Variants in LIPC observed in about 807,000 individuals in gnomAD.
LIPC encodes the protein lipase C, hepatic type.
Under a neutral mutation model 50.7 loss-of-function variants are expected in LIPC, and 44 were observed. That is an observed-to-expected ratio of 0.87 (90% confidence interval 0.68 to 1.11). The LOEUF (loss-of-function observed/expected upper bound fraction) is 1.11, where lower values mean the gene tolerates loss of function less well. Among genes scored for constraint, LIPC ranks in the 50% most tolerant of loss-of-function variants. LIPC has a pLI of 0.00. For synonymous variants in LIPC, 271 were observed against 256.4 expected, an observed-to-expected ratio of 1.06 and a Z score of -0.54; for missense variants, 697 against 648.2, an observed-to-expected ratio of 1.08 and a Z score of -0.82.
intron 6 of LIPC, among the ~76,000 whole-genome samples, chr15:58,550,432 C>G (rs1893707366): frequency 6.6e-6 from 1 of 152,184 alleles, no homozygotes; most frequent in Non-Finnish European, 1.5e-5. Context: ...GAGCTTCTCC[C>G]ATTTGCCAAC....
intron 1 of LIPC, among the ~76,000 whole-genome samples, chr15:58,433,804 A>G (rs1893199980): frequency 4.6e-5 from 7 of 152,200 alleles, no homozygotes. Context: ...AGAAGTGGCC[A>G]CTATTAGCAA....
intron 1 of LIPC, among the ~76,000 whole-genome samples, chr15:58,484,269 T>A (rs1177396081): frequency 3.3e-5 from 5 of 152,232 alleles, no homozygotes; most frequent in African/African-American, 1.2e-4. Flanking sequence ...CATTTGGTGA[T>A]AATCCACTGT....
At chr15:58,526,621 CA>C in intron 1 of LIPC, among the ~76,000 whole-genome samples, 1 of 152,334 alleles carries the variant, frequency 6.6e-6, no homozygotes, top group Non-Finnish European at 1.5e-5. Flanking sequence ...CTACCTAAAG[CA>C]GGTGCACAGA....
At chr15:58,468,191 T>G (rs1894644959) in intron 1 of LIPC, among the ~76,000 whole-genome samples, 1 of 152,168 alleles carries the variant, frequency 6.6e-6, no homozygotes. Flanking sequence ...TGGCTTACCC[T>G]TGTCTATACT....
At chr15:58,503,293 C>G (rs146392814) in intron 1 of LIPC, among the ~76,000 whole-genome samples, 14 of 152,254 alleles carry the variant, frequency 9.2e-5, no homozygotes, top group Admixed American at 6.5e-5. Flanking sequence ...TCCTTAAACC[C>G]TGTTCAGGAT....
At chr15:58,484,530 C>A (rs1393436675) in intron 1 of LIPC, among the ~76,000 whole-genome samples, 1 of 152,240 alleles carries the variant, frequency 6.6e-6, no homozygotes, top group Non-Finnish European at 1.5e-5. Flanking sequence ...AATATTAATT[C>A]ATTTAATCCT....
intron 2 of LIPC, among the ~76,000 whole-genome samples, chr15:58,540,957 C>T (rs1283523506): frequency 6.6e-6 from 1 of 152,052 alleles, no homozygotes; most frequent in Non-Finnish European, 1.5e-5. Context: ...TGCACCATCA[C>T]ACCTGGCTAA....
rs557793722 is a variant in LIPC at position 58,517,986 on chromosome 15, A to G, written c.89-20347A>G. On this transcript the variant is annotated intron_variant, in intron 1 of 8. Transcript: ENST00000299022. ...TGACTCTTGGTCAAGAGCTCTATTC[A>G]TTCCGCTGTGTCTGCTCTCTTACTA... Among the ~76,000 whole-genome samples, 4 of 152,332 alleles carry G rather than the reference A, an allele frequency of 2.6e-5. No homozygotes were observed. In the East Asian group the frequency reaches 5.8e-4, roughly 22 times the overall value.
chr15:58,563,787 C>T (rs1341042258), intron 8 of LIPC, 64 bp downstream of exon 8: 11 of 1,260,884 alleles, frequency 8.7e-6, no homozygotes, highest in East Asian at 4.9e-5. Context: ...GGCAGTCTCA[C>T]AATTTAATAC....
intron 1 of LIPC, among the ~76,000 whole-genome samples, chr15:58,472,446 T>G (rs1464679459): frequency 6.6e-6 from 1 of 151,566 alleles, no homozygotes; most frequent in African/African-American, 2.4e-5. Context: ...TGTGGTAGCA[T>G]GCGCCTGTAA....
chr15:58,506,088 C>T (rs1892139931), intron 1 of LIPC, among the ~76,000 whole-genome samples: 1 of 152,116 alleles, frequency 6.6e-6, no homozygotes, highest in African/African-American at 2.4e-5. Flanking sequence ...GTGGTGTGTG[C>T]CCCACCTAGG....
intron 1 of LIPC, among the ~76,000 whole-genome samples, chr15:58,511,639 T>TC (rs1216366852): frequency 3.9e-5 from 6 of 152,290 alleles, no homozygotes; most frequent in Admixed American, 1.3e-4. Context: ...TGGCAATAGG[T>TC]ATTGAGAGTC....
chr15:58,489,483 G>C (rs1891505547), intron 1 of LIPC, among the ~76,000 whole-genome samples: 1 of 152,118 alleles, frequency 6.6e-6, no homozygotes, highest in South Asian at 2.1e-4. Context: ...CTGCAGATTG[G>C]TTGGGGATGA....
intron 1 of LIPC, chr15:58,497,598 AC>A (rs1891818060): frequency 2.0e-5 from 3 of 152,104 alleles, no homozygotes; most frequent in Admixed American, 2.0e-4. Flanking sequence ...GCTCTTCCAA[AC>A]CCTTCCTGTC....
chr15:58,518,250 A>C (rs918151351), intron 1 of LIPC, among the ~76,000 whole-genome samples: 1 of 152,198 alleles, frequency 6.6e-6, no homozygotes, highest in Admixed American at 6.5e-5. Context: ...CAAATGCCCC[A>C]AGGTGGGGGA....
chr15:58,444,941 C>T (rs1255854921), intron 1 of LIPC, among the ~76,000 whole-genome samples: 1 of 152,160 alleles, frequency 6.6e-6, no homozygotes. Context: ...GGAAGGCTTC[C>T]GCGTTAGAAA....
chr15:58,439,688 C>T (rs900104381), intron 1 of LIPC, among the ~76,000 whole-genome samples: 4 of 152,152 alleles, frequency 2.6e-5, no homozygotes, highest in East Asian at 1.9e-4. Flanking sequence ...GTGATCTGCC[C>T]GCCTCAGCCT....
rs1239950109 is a variant in LIPC, at chr15:58,565,381, G to A, written c.1388+1658G>A. 9.3e-6 allele frequency: 14 copies of A among 1,502,658 alleles called. No individual in the cohort carries two copies. The African/African-American group carries it at 1.5e-4, about 16-fold the overall frequency. The allele number at this position is 1,502,658 out of a possible 1,614,324, so 93.1% of individuals were successfully genotyped here. A position where few individuals can be genotyped will look rare whatever the true frequency, so the allele number is the denominator to read the frequency against. ...CCCATGTGGCTTGACCTGAAAGGGTGGCTAAAGCACAACACTACCTTCTCC... is the reference window on the plus strand; with the variant it reads ...CCCATGTGGCTTGACCTGAAAGGGTAGCTAAAGCACAACACTACCTTCTCC... On this transcript the variant is annotated intron_variant, in intron 8 of 8. Coordinates refer to ENST00000299022, the MANE Select transcript of LIPC (RefSeq NM_000236.3).
intron 1 of LIPC, among the ~76,000 whole-genome samples, chr15:58,528,681 T>A (rs1338862866): frequency 6.6e-6 from 1 of 152,128 alleles, no homozygotes; most frequent in Non-Finnish European, 1.5e-5. Context: ...GAGCCCAAGC[T>A]CCTAACCGCT....
Sources: allele counts gnomAD v4.1 joint callset (sites outside exome capture counted in the v4.1 genomes callset), GRCh38; gene constraint gnomAD v4.1.1; transcripts MANE v1.5; gene names NCBI Gene and HGNC (gene_info 2026-07-23, HGNC 2026-07-21).